HS3ST5: variants seen among roughly 807,000 people sequenced by gnomAD.
The protein encoded by HS3ST5 is heparan sulfate glucosamine 3-O-sulfotransferase 5.
A neutral mutation model predicts 25.4 loss-of-function variants in HS3ST5; 10 were observed. The observed-to-expected ratio is 0.39, with a 90% CI of 0.24 to 0.67. The LOEUF (loss-of-function observed/expected upper bound fraction) is 0.67, where lower values mean the gene tolerates loss of function less well. Ranked by LOEUF, HS3ST5 falls within the 30% of genes least tolerant of loss-of-function variation. The probability of loss-of-function intolerance (pLI) is 0.44; values close to 1 mark genes in which losing one functional copy is unlikely to be tolerated. For missense variants in HS3ST5, 324 were observed against 420.7 expected, an observed-to-expected ratio of 0.77 and a Z score of 2.01; for synonymous variants, 170 against 162.4, an observed-to-expected ratio of 1.05 and a Z score of -0.36.
At chr6:114,309,638 C>G (rs1562271819) in intron 1 of HS3ST5, among the ~76,000 whole-genome samples, 1 of 152,140 alleles carries the variant, frequency 6.6e-6, no homozygotes. Context: ...TAGGCTGAGA[C>G]AGGAGAAATG....
chr6:114,214,831 T>C (rs1286997429), intron 2 of HS3ST5, among the ~76,000 whole-genome samples: 1 of 152,114 alleles, frequency 6.6e-6, no homozygotes, highest in Non-Finnish European at 1.5e-5. Flanking sequence ...TGGTGGCCAA[T>C]AGAAAGGGCA....
intron 1 of HS3ST5, among the ~76,000 whole-genome samples, chr6:114,284,528 C>T (rs2114751811): frequency 6.6e-6 from 1 of 152,090 alleles, no homozygotes; most frequent in African/African-American, 2.4e-5. Context: ...CTCTACTATG[C>T]ATTGCCTCAA....
At chr6:114,274,402 G>A (rs907565982) in intron 1 of HS3ST5, among the ~76,000 whole-genome samples, 1 of 152,022 alleles carries the variant, frequency 6.6e-6, no homozygotes, top group Admixed American at 6.6e-5. Context: ...TAGTCAGCAC[G>A]GTTGTGTGTT....
At chr6:114,242,526 A>G (rs1434387275) in intron 1 of HS3ST5, among the ~76,000 whole-genome samples, 1 of 152,206 alleles carries the variant, frequency 6.6e-6, no homozygotes, top group Admixed American at 6.5e-5. Context: ...GGTAGATTTT[A>G]TTGATGTCTT....
intron 3 of HS3ST5, among the ~76,000 whole-genome samples, chr6:114,158,611 G>A (rs1778806970): frequency 1.3e-5 from 2 of 152,150 alleles, no homozygotes; most frequent in Admixed American, 1.3e-4. Flanking sequence ...GCAGAGCTAG[G>A]ATTCTATGCA....
chr6:114,317,715 A>G (rs1042635525), intron 1 of HS3ST5, among the ~76,000 whole-genome samples: 2 of 150,206 alleles, frequency 1.3e-5, no homozygotes, highest in African/African-American at 4.9e-5. Context: ...TTGGGGAGTG[A>G]CACCAACATC....
At chr6:114,319,952 A>G (rs1335258174) in intron 1 of HS3ST5, among the ~76,000 whole-genome samples, 2 of 152,086 alleles carry the variant, frequency 1.3e-5, no homozygotes, top group Non-Finnish European at 2.9e-5. Context: ...TGGACGGCAC[A>G]TCAAGTTGTT....
chr6:114,320,601 T>C (rs1775925902), intron 1 of HS3ST5, among the ~76,000 whole-genome samples: 1 of 152,098 alleles, frequency 6.6e-6, no homozygotes, highest in Non-Finnish European at 1.5e-5. Flanking sequence ...ACCATTTTGG[T>C]AGCAGTATCG....
intron 3 of HS3ST5, chr6:114,142,967 A>T (rs971567539): frequency 2.6e-5 from 4 of 152,258 alleles, no homozygotes; most frequent in African/African-American, 9.6e-5. Context: ...AAGAGCTACA[A>T]GTGGTGGACG....
intron 1 of HS3ST5, among the ~76,000 whole-genome samples, chr6:114,321,482 T>TG (rs1775968671): frequency 6.6e-6 from 1 of 152,122 alleles, no homozygotes; most frequent in East Asian, 1.9e-4. Flanking sequence ...CTTGAGTTAT[T>TG]GCTCTGTGTT....
chr6:114,092,679 GT>G (rs749120403), intron 3 of HS3ST5, among the ~76,000 whole-genome samples: 27 of 125,076 alleles, frequency 2.2e-4, no homozygotes, highest in African/African-American at 3.0e-4. Flanking sequence ...TATTTATTTT[GT>G]TTTTTTTTTT....
intron 1 of HS3ST5, among the ~76,000 whole-genome samples, chr6:114,328,525 A>C (rs1238695284): frequency 2.0e-5 from 3 of 152,330 alleles, no homozygotes; most frequent in Admixed American, 6.5e-5. Flanking sequence ...AACACTTTAC[A>C]GCTACTGTCT....
At chr6:114,162,000 A>G (rs532871085) in intron 3 of HS3ST5, among the ~76,000 whole-genome samples, 5 of 152,116 alleles carry the variant, frequency 3.3e-5, no homozygotes, top group South Asian at 2.1e-4. Context: ...AATTAATAAA[A>G]TAGAATTTTG....
At chr6:114,070,429 C>G (rs2114730218) in intron 3 of HS3ST5, among the ~76,000 whole-genome samples, 1 of 152,098 alleles carries the variant, frequency 6.6e-6, no homozygotes, top group Non-Finnish European at 1.5e-5. Flanking sequence ...CCATAATTTA[C>G]CAAGGGTTTT....
chr6:114,157,652 T>C (rs1778760788), intron 3 of HS3ST5, among the ~76,000 whole-genome samples: 1 of 152,224 alleles, frequency 6.6e-6, no homozygotes, highest in Non-Finnish European at 1.5e-5. Context: ...TTTCACAATG[T>C]ATACATATAT....
chr6:114,066,973 A>C (rs1040073642), intron 3 of HS3ST5, among the ~76,000 whole-genome samples: 2 of 152,188 alleles, frequency 1.3e-5, no homozygotes, highest in Admixed American at 1.3e-4. Flanking sequence ...CCCAGTGTGG[A>C]CAGTCAGCTT....
chr6:114,134,003 G>T (rs1777473502), intron 3 of HS3ST5, among the ~76,000 whole-genome samples: 2 of 152,086 alleles, frequency 1.3e-5, no homozygotes, highest in East Asian at 3.9e-4. Flanking sequence ...AGAGAGGGCG[G>T]CGGGGAGCGG....
intron 3 of HS3ST5, among the ~76,000 whole-genome samples, chr6:114,133,186 T>C (rs531525344): frequency 1.3e-5 from 2 of 152,310 alleles, no homozygotes; most frequent in East Asian, 3.9e-4. Flanking sequence ...CATCAAGGGA[T>C]GACAATGGGC....
chr6:114,335,272 A>C (rs1776561749), intron 1 of HS3ST5, among the ~76,000 whole-genome samples: 1 of 151,868 alleles, frequency 6.6e-6, no homozygotes, highest in African/African-American at 2.4e-5. Flanking sequence ...TGCTTGATAC[A>C]TAGTAAATAT....
Sources: allele counts gnomAD v4.1 joint callset (sites outside exome capture counted in the v4.1 genomes callset), GRCh38; gene constraint gnomAD v4.1.1; transcripts MANE v1.5; gene names NCBI Gene and HGNC (gene_info 2026-07-23, HGNC 2026-07-21).